WDR4: variants seen among roughly 807,000 people sequenced by gnomAD.
WDR4 encodes tRNA (guanine-N(7)-)-methyltransferase non-catalytic subunit WDR4.
A neutral mutation model predicts 48.6 loss-of-function variants in WDR4; 47 were observed. The observed-to-expected ratio is 0.97, with a 90% CI of 0.77 to 1.23. The LOEUF (loss-of-function observed/expected upper bound fraction) is 1.23. Among genes scored for constraint, WDR4 ranks in the 50% most tolerant of loss-of-function variants. WDR4 has a pLI of 0.00. For missense variants in WDR4, 606 were observed against 551.6 expected (o/e 1.10, Z -0.99); for synonymous variants, 268 against 230.0 (o/e 1.17, Z -1.49).
intron 2 of WDR4, among the ~76,000 whole-genome samples, chr21:42,874,842 T>C (rs1203665399): frequency 6.6e-6 from 1 of 152,304 alleles, no homozygotes; most frequent in South Asian, 2.1e-4. Context: ...CCTGTGGTCC[T>C]GCGATCTCGC....
At chr21:42,879,718 C>T, upstream of WDR4, 1 of 543,198 alleles carries the variant, frequency 1.8e-6, no homozygotes, top group South Asian at 2.5e-5. Flanking sequence ...GTTCACTCAC[C>T]AAGGTGATCT....
At chr21:42,868,872 T>C (rs1442209303) in intron 3 of WDR4, among the ~76,000 whole-genome samples, 2 of 152,266 alleles carry the variant, frequency 1.3e-5, no homozygotes, top group African/African-American at 2.4e-5. Context: ...CTGTCCCAGT[T>C]GCTCTGGCTC....
chr21:42,885,002 C>T, the WDR4 span, among the ~76,000 whole-genome samples: 1 of 152,098 alleles, frequency 6.6e-6, no homozygotes, highest in African/African-American at 2.4e-5. Context: ...TCTCGAATGC[C>T]TGACTTCAAG....
intron 3 of WDR4, among the ~76,000 whole-genome samples, chr21:42,864,585 C>T (rs989441145): frequency 2.6e-4 from 39 of 152,156 alleles, no homozygotes; most frequent in African/African-American, 9.4e-4. Context: ...GCGCTCCCCC[C>T]AGTCCACATC....
chr21:42,872,641 A>G (rs2058398469), intron 3 of WDR4, among the ~76,000 whole-genome samples: 4 of 151,240 alleles, frequency 2.6e-5, no homozygotes, highest in Admixed American at 2.0e-4. Flanking sequence ...TGAAATAAAA[A>G]TCTTAAAGAC....
chr21:42,859,601 A>ACCCC, intron 6 of WDR4, 61 bp downstream of exon 6: 1 of 382,348 alleles, frequency 2.6e-6, no homozygotes, highest in Non-Finnish European at 5.1e-6. Context: ...GGAGGCGCCC[A>ACCCC]CCCCACCCTC....
exon 12 of WDR4, chr21:42,843,232 A>G (rs1408415824): frequency 5.3e-5 from 8 of 152,150 alleles, no homozygotes; most frequent in African/African-American, 1.9e-4. Context: ...GATCGCACGC[A>G]AGTGGTCCAC....
chr21:42,845,531 A>G (rs1410603941), downstream of WDR4, among the ~76,000 whole-genome samples: 1 of 152,262 alleles, frequency 6.6e-6, no homozygotes, highest in East Asian at 1.9e-4. Flanking sequence ...TAAGTGATCT[A>G]AGACGGGTAA....
chr21:42,873,521 T>G (rs1176758630), intron 3 of WDR4, 30 bp downstream of exon 3: 1 of 1,612,588 alleles, frequency 6.2e-7, no homozygotes, highest in African/African-American at 1.3e-5. Flanking sequence ...GCATTCGACA[T>G]CTTAAGAATC....
At chr21:42,854,461 A>T in intron 8 of WDR4, 101 bp downstream of exon 8, 1 of 1,214,496 alleles carries the variant, frequency 8.2e-7, no homozygotes, top group Admixed American at 2.5e-5. Context: ...ACCACCGTTC[A>T]GGACCTCTTC....
chr21:42,870,726 T>C (rs970190196), intron 3 of WDR4, among the ~76,000 whole-genome samples: 2 of 151,926 alleles, frequency 1.3e-5, no homozygotes, highest in African/African-American at 4.8e-5. Context: ...GAGGCAGAGG[T>C]TGCAGTGAGC....
At position 42,863,295 on chromosome 21, in the gene WDR4, C is replaced by G. The variant is rs181584963; in HGVS notation, c.453+145G>C. On this transcript the variant is annotated intron_variant, in intron 4 of 10. Coordinates refer to ENST00000398208, the MANE Select transcript of WDR4 (RefSeq NM_018669.6). ...AGCCTGTACCCCACATACCATGTCC[C>G]CCACGTACTGCGTCTAACAGCATGG... 6 of 1,010,384 alleles carry G rather than the reference C, an allele frequency of 5.9e-6. No individual in the cohort carries two copies. The East Asian group carries it at 1.6e-4, about 26-fold the overall frequency. The allele number at this position is 1,010,384 out of a possible 1,614,324, so 62.6% of individuals were successfully genotyped here.
chr21:42,871,319 T>G (rs187647417), intron 3 of WDR4, among the ~76,000 whole-genome samples: 109 of 152,328 alleles, frequency 7.2e-4, no homozygotes, highest in African/African-American at 2.5e-3. Flanking sequence ...CTATCTTCTT[T>G]CAACACTGAG....
intron 3 of WDR4, among the ~76,000 whole-genome samples, chr21:42,867,197 C>A (rs753424936): frequency 6.6e-6 from 1 of 152,118 alleles, no homozygotes; most frequent in Non-Finnish European, 1.5e-5. Flanking sequence ...TCAAGACCAG[C>A]CTGGCCAACA....
rs540202480 is a variant in WDR4 at position 42,862,376 on chromosome 21, G to A, written c.472C>T (p.Arg158Cys). Residue 158 changes from arginine to cysteine, a missense_variant, in exon 5 of 11, where the codon CGC becomes TGC. Coordinates refer to ENST00000398208, the MANE Select transcript of WDR4 (RefSeq NM_018669.6). The surrounding 1 kb of genome is among the most constrained non-coding windows in gnomAD (Gnocchi z 4.3). The part of the protein sequence containing the change: ...LLDVAVSPDD[R>C]FILTADRDEK... ...TCCCGGTCGGCAGTGAGGATGAAGCGGTCATCAGGACTCACAGCCTGCATC... is the reference window on the plus strand; with the variant it reads ...TCCCGGTCGGCAGTGAGGATGAAGCAGTCATCAGGACTCACAGCCTGCATC... 5.6e-5 allele frequency: 90 copies of A among 1,608,812 alleles called. 1 individual carries two copies. The highest frequency in any genetic ancestry group is 2.3e-4 in the South Asian group (21 of 89,904).
chr21:42,847,442 C>T (rs987089714), downstream of WDR4, among the ~76,000 whole-genome samples: 5 of 152,200 alleles, frequency 3.3e-5, no homozygotes, highest in Admixed American at 6.5e-5. Context: ...GACACAGAAA[C>T]GGCTCTTGGC....
intron 6 of WDR4, among the ~76,000 whole-genome samples, chr21:42,857,193 G>A (rs557165196): frequency 3.9e-5 from 6 of 152,088 alleles, no homozygotes; most frequent in East Asian, 3.9e-4. Flanking sequence ...AAACGGAGCC[G>A]AGGGGCCCCT....
rs143479538 is a variant in WDR4 at position 42,855,076 on chromosome 21, G to A, written c.727-450C>T. Among the ~76,000 whole-genome samples the A allele has an allele frequency of 3.5e-3, 532 of 151,604 alleles. 4 individuals carry two copies. The highest frequency in any genetic ancestry group is 6.7e-3 in the Non-Finnish European group (453 of 67,934). On this transcript the variant is annotated intron_variant, in intron 7 of 10. Transcript: ENST00000398208. ...GAGCCTGAGGCGGAGGTTGCTGTGA[G>A]TCGAGATAGCACCACTGCACTCCAG... is the stretch of plus-strand genomic sequence containing the variant.
intron 7 of WDR4, among the ~76,000 whole-genome samples, chr21:42,855,300 C>G (rs1242692014): frequency 1.3e-5 from 2 of 152,174 alleles, no homozygotes; most frequent in Non-Finnish European, 2.9e-5. Context: ...GGAAACTTTG[C>G]CAAGGCCTGG....
Sources: allele counts gnomAD v4.1 joint callset (sites outside exome capture counted in the v4.1 genomes callset), GRCh38; gene constraint gnomAD v4.1.1; non-coding constraint Gnocchi (gnomAD v3.1); transcripts MANE v1.5; gene names NCBI Gene and HGNC (gene_info 2026-07-23, HGNC 2026-07-21).